Variants in CSMD1 observed in about 807,000 individuals in gnomAD.
CSMD1 encodes CUB and Sushi multiple domains 1.
CSMD1 carries 213 observed loss-of-function variants against 417.5 expected under a neutral mutation model. The observed-to-expected ratio is 0.51, with a 90% CI of 0.46 to 0.57. The LOEUF (loss-of-function observed/expected upper bound fraction) is 0.57, where lower values mean the gene tolerates loss of function less well. CSMD1 is among the 20% of genes least tolerant of loss of function. CSMD1 has a pLI of 0.00. For missense variants in CSMD1, 6,923 were observed against 4,529.7 expected, an observed-to-expected ratio of 1.53 and a Z score of -15.17; for synonymous variants, 2,862 against 1,736.8, an observed-to-expected ratio of 1.65 and a Z score of -16.11.
chr8:3,164,283 C>G (rs1341759267), intron 37 of CSMD1, among the ~76,000 whole-genome samples: 1 of 152,126 alleles, frequency 6.6e-6, no homozygotes, highest in Non-Finnish European at 1.5e-5. Context: ...AGGAGTGCCA[C>G]GAACTTTTTC....
chr8:3,141,150 C>T (rs930497416), intron 41 of CSMD1, among the ~76,000 whole-genome samples: 1 of 152,182 alleles, frequency 6.6e-6, no homozygotes, highest in African/African-American at 2.4e-5. Context: ...GTTGAGCACA[C>T]AGTTGACTAC....
intron 1 of CSMD1, among the ~76,000 whole-genome samples, chr8:4,812,553 C>T (rs1180392349): frequency 6.6e-6 from 1 of 152,032 alleles, no homozygotes; most frequent in Non-Finnish European, 1.5e-5. Context: ...ATCACATATA[C>T]CACATGAATT....
chr8:4,807,536 C>CCA (rs1798659976), intron 1 of CSMD1, among the ~76,000 whole-genome samples: 1 of 152,166 alleles, frequency 6.6e-6, no homozygotes, highest in Non-Finnish European at 1.5e-5. Context: ...GAGCAGGACA[C>CCA]CAGTACGTGT....
chr8:3,681,660 G>C (rs1316387555), intron 7 of CSMD1, among the ~76,000 whole-genome samples: 1 of 152,238 alleles, frequency 6.6e-6, no homozygotes, highest in African/African-American at 2.4e-5. Flanking sequence ...AGCTACCAAT[G>C]ACTTTCTTCA....
intron 3 of CSMD1, among the ~76,000 whole-genome samples, chr8:4,173,441 C>T (rs945157389): frequency 1.6e-4 from 24 of 151,718 alleles, no homozygotes; most frequent in African/African-American, 4.8e-4. Context: ...CACCAGAGGA[C>T]GTTACTGAAG....
At chr8:3,193,452 G>A (rs966474787) in intron 33 of CSMD1, among the ~76,000 whole-genome samples, 28 of 152,074 alleles carry the variant, frequency 1.8e-4, no homozygotes, top group African/African-American at 5.8e-4. Flanking sequence ...ACAGCTCCAC[G>A]GAACGTCTGG....
At chr8:3,618,868 T>A (rs972528836) in intron 7 of CSMD1, among the ~76,000 whole-genome samples, 68 of 152,312 alleles carry the variant, frequency 4.5e-4, no homozygotes, top group African/African-American at 1.5e-3. Context: ...CAGTTTCCTC[T>A]CTAGGTATGA....
chr8:4,913,644 C>T (rs907202689), intron 1 of CSMD1, among the ~76,000 whole-genome samples: 1 of 152,156 alleles, frequency 6.6e-6, no homozygotes, highest in East Asian at 1.9e-4. Context: ...CTGAGTTCTG[C>T]GTCAACCAGA....
intron 5 of CSMD1, among the ~76,000 whole-genome samples, chr8:3,880,996 T>C (rs947693699): frequency 2.0e-5 from 3 of 152,048 alleles, no homozygotes; most frequent in Admixed American, 1.3e-4. Context: ...CAAATGAAGA[T>C]CAAAATTTTA....
rs180969784 is a variant in CSMD1 at position 4,935,476 on chromosome 8, T to C, written c.85+58856A>G. 7.6e-4 allele frequency among the ~76,000 whole-genome samples: 116 copies of C among 152,344 alleles called. No homozygotes were observed. In the Middle Eastern group the frequency reaches 0.01, roughly 13 times the overall value. Reference sequence around the variant, plus strand: ...CAGTTACCAGAAATCAGAAACTAAGTCTTTCAGTGTGAATCCATTAAGCCA... The same window carrying C: ...CAGTTACCAGAAATCAGAAACTAAGCCTTTCAGTGTGAATCCATTAAGCCA... On this transcript the variant is annotated intron_variant, in intron 1 of 69. Coordinates refer to ENST00000635120, the MANE Select transcript of CSMD1 (RefSeq NM_033225.6).
At chr8:3,078,057 C>T (rs1310794001) in intron 49 of CSMD1, among the ~76,000 whole-genome samples, 1 of 152,172 alleles carries the variant, frequency 6.6e-6, no homozygotes, top group Non-Finnish European at 1.5e-5. Flanking sequence ...AGGTTTATTT[C>T]TCAACGCGAA....
chr8:4,259,747 T>C (rs1803739514), intron 3 of CSMD1, among the ~76,000 whole-genome samples: 1 of 152,124 alleles, frequency 6.6e-6, no homozygotes, highest in African/African-American at 2.4e-5. Flanking sequence ...ACACATGTAT[T>C]TCATAAACCC....
intron 47 of CSMD1, 145 bp downstream of exon 47, chr8:3,096,704 C>A: frequency 1.6e-6 from 1 of 615,092 alleles, no homozygotes; most frequent in Non-Finnish European, 2.8e-6. Context: ...ATGCATAACC[C>A]CAAACTAGTT....
At chr8:3,608,733 C>T (rs911472933) in intron 8 of CSMD1, among the ~76,000 whole-genome samples, 5 of 148,596 alleles carry the variant, frequency 3.4e-5, no homozygotes, top group African/African-American at 1.3e-4. Context: ...CACTGCACTC[C>T]AGCCTGGACA....
intron 26 of CSMD1, among the ~76,000 whole-genome samples, chr8:3,240,699 G>A (rs1238669852): frequency 6.6e-6 from 1 of 152,086 alleles, no homozygotes; most frequent in Non-Finnish European, 1.5e-5. Context: ...AAGCAGGTTT[G>A]AGATCTAGAA....
intron 6 of CSMD1, among the ~76,000 whole-genome samples, chr8:3,735,797 G>A (rs980663020): frequency 2.0e-5 from 3 of 152,046 alleles, no homozygotes; most frequent in Non-Finnish European, 4.4e-5. Context: ...TTGCTAATCT[G>A]GCCAATTACA....
chr8:3,360,405 C>A (rs1809082906), intron 20 of CSMD1, among the ~76,000 whole-genome samples: 1 of 152,232 alleles, frequency 6.6e-6, no homozygotes, highest in Admixed American at 6.5e-5. Context: ...TGTCACCAGC[C>A]TCTTGGTCCA....
chr8:4,849,426 C>A (rs964808972), intron 1 of CSMD1, among the ~76,000 whole-genome samples: 1 of 151,770 alleles, frequency 6.6e-6, no homozygotes, highest in African/African-American at 2.4e-5. Flanking sequence ...GTTTGCTATA[C>A]CCTCAGTGTA....
At chr8:3,464,977 T>A (rs13270935) in intron 12 of CSMD1, among the ~76,000 whole-genome samples, 1 of 152,164 alleles carries the variant, frequency 6.6e-6, no homozygotes, top group African/African-American at 2.4e-5. Context: ...TCTCTCTCTC[T>A]CGTTCTGTGT....
Sources: allele counts gnomAD v4.1 joint callset (sites outside exome capture counted in the v4.1 genomes callset), GRCh38; gene constraint gnomAD v4.1.1; transcripts MANE v1.5; gene names NCBI Gene and HGNC (gene_info 2026-07-23, HGNC 2026-07-21).